Variants in CHD1 observed in about 807,000 individuals in gnomAD.
The protein encoded by CHD1 is chromodomain helicase DNA binding protein 1, also known as ATP-dependent chromatin remodeler CHD1.
Under a neutral mutation model 224.2 loss-of-function variants are expected in CHD1, and 36 were observed. That is an observed-to-expected ratio of 0.16 (90% CI 0.12 to 0.21). CHD1 has a LOEUF of 0.21. Ranked by LOEUF, CHD1 falls within the 10% of genes least tolerant of loss-of-function variation. The pLI, the probability that CHD1 is intolerant of heterozygous loss-of-function variation, is 1.00. For synonymous variants in CHD1, 668 were observed against 658.3 expected, an observed-to-expected ratio of 1.01 and a Z score of -0.23; for missense variants, 1,378 against 1,994.8, an observed-to-expected ratio of 0.69 and a Z score of 5.89.
At chr5:98,883,845 ATATATATATATATATATTTTT>A (rs1356035899) in intron 18 of CHD1, 5 of 36,240 alleles carry the variant, frequency 1.4e-4, no homozygotes, top group African/African-American at 2.2e-4. Context: ...ATATATATAT[ATATATATATATATATATTTTT>A]TTTTTTTTTT....
intron 22 of CHD1, 24 bp from the exon 23 acceptor site, chr5:98,879,752 A>G: frequency 6.6e-7 from 1 of 1,515,140 alleles, no homozygotes; most frequent in Non-Finnish European, 8.9e-7. Flanking sequence ...GAATTTTAAG[A>G]GTAACTGTTA....
intron 10 of CHD1, 113 bp from the exon 11 acceptor site, chr5:98,897,433 G>A (rs1751416280): frequency 2.8e-6 from 2 of 717,090 alleles, no homozygotes; most frequent in South Asian, 4.4e-5. Context: ...TAATCATCAA[G>A]CTCAGAGATT....
Position 98,873,673 on chromosome 5 carries a change from T to C in CHD1, c.3491A>G (p.Asp1164Gly), listed in dbSNP as rs774568255. The C allele has an allele frequency of 2.5e-6, 4 of 1,610,604 alleles. No individual in the cohort carries two copies. Among genetic ancestry groups the C allele is most frequent in the Non-Finnish European group, 2.5e-6 (3 of 1,178,620 alleles). Residue 1164 changes from aspartate (D) to glycine (G), a missense_variant, in exon 26 of 36, where the codon GAC becomes GGC. Asp to Gly is a moderately conservative substitution (Grantham distance 94). Transcript: ENST00000614616. ...TACCAATTCTCCCAGTCGTCTAAGGTCTGTTTCTGACTTATCAACTAACTC... is the reference window on the plus strand; with the variant it reads ...TACCAATTCTCCCAGTCGTCTAAGGCCTGTTTCTGACTTATCAACTAACTC... ...DAELVDKSETDLRRLGELVHN... is the reference protein window; with the variant it reads ...DAELVDKSETGLRRLGELVHN...
At chr5:98,881,440 TTTA>T in intron 20 of CHD1, 65 bp from the exon 21 acceptor site, 1 of 713,540 alleles carries the variant, frequency 1.4e-6, no homozygotes, top group Non-Finnish European at 2.3e-6. Context: ...ACACAGCACT[TTTA>T]TTAATTACTG....
chr5:98,896,182 G>A (rs757275367), intron 12 of CHD1, 44 bp downstream of exon 12: 19 of 1,496,386 alleles, frequency 1.3e-5, no homozygotes, highest in Non-Finnish European at 1.7e-5. Flanking sequence ...TGATCTCAAA[G>A]ACAAGTACAT....
Position 98,867,558 on chromosome 5 carries a change from ATG to A in CHD1, c.4248+935_4248+936del, listed in dbSNP as rs71226948. 4.9e-4 allele frequency among the ~76,000 whole-genome samples: 74 copies of A among 150,894 alleles called. No homozygotes were observed. In the South Asian group the frequency reaches 0.011, roughly 23 times the overall value. ...CCATAAATAAGAAGCACTATTACAC[ATG>A]TGTGTGTGTGTGTGTACATATTTAT... On this transcript the variant is annotated intron_variant, in intron 31 of 35. Coordinates refer to ENST00000614616, the MANE Select transcript of CHD1 (RefSeq NM_001270.4).
chr5:98,888,177 G>C lies in CHD1; in HGVS notation c.2407C>G (p.Arg803Gly). The C allele has an allele frequency of 6.2e-7, 1 of 1,610,588 alleles. No homozygotes were observed. Among genetic ancestry groups the C allele is most frequent in the Non-Finnish European group, 8.5e-7 (1 of 1,177,626 alleles). Residue 803 changes from arginine to glycine, a missense_variant, in exon 17 of 36, where the codon CGA (arginine) becomes GGA (glycine). By Grantham distance (125) the Arg-to-Gly change is moderately radical. Around this residue, in one of 16 missense-constraint regions of CHD1, gnomAD observed 57 missense variants for 177.2 expected, o/e 0.32. Transcript: ENST00000614616. ...LDKLLIRLRE[R>G]GNRVLIFSQM... The stretch of plus-strand genomic sequence containing the variant: ...GAAAAAATAAGAACTCGATTGCCTC[G>C]TTCTCTTAGGCGAATTAATAGCTTG...
At chr5:98,920,724 G>C (rs1366661665) in intron 2 of CHD1, among the ~76,000 whole-genome samples, 1 of 151,860 alleles carries the variant, frequency 6.6e-6, no homozygotes, top group Non-Finnish European at 1.5e-5. Context: ...TTGAACCCAG[G>C]AGGCGGAGGT....
At chr5:98,859,145 A>G in intron 33 of CHD1, 130 bp from the exon 34 acceptor site, 1 of 595,716 alleles carries the variant, frequency 1.7e-6, no homozygotes, top group Admixed American at 3.6e-5. Flanking sequence ...ATGTGTGTAT[A>G]TATACATGTA....
chr5:98,868,537 A>T lies in CHD1; in HGVS notation c.4206T>A (p.Ile1402=). 3.1e-6 allele frequency: 5 copies of T among 1,612,476 alleles called. No individual in the cohort carries two copies. The highest frequency in any genetic ancestry group is 4.2e-6 in the Non-Finnish European group (5 of 1,179,702). Reference sequence around the variant, plus strand: ...GATCCAGCTCTTCAGATTCTTCAGAAATGGGAACTGGTTCACCACTTGCCG... The same window carrying T: ...GATCCAGCTCTTCAGATTCTTCAGATATGGGAACTGGTTCACCACTTGCCG... ...HITASGEPVP[I]SEESEELDQK... The change falls in exon 31 of 36, where the codon ATT becomes ATA. Residue 1402 remains isoleucine, a synonymous_variant. Coordinates refer to ENST00000614616, the MANE Select transcript of CHD1 (RefSeq NM_001270.4).
chr5:98,859,252 TTGCA>T (rs1340414279), intron 33 of CHD1, among the ~76,000 whole-genome samples: 1 of 152,074 alleles, frequency 6.6e-6, no homozygotes, highest in Non-Finnish European at 1.5e-5. Flanking sequence ...AACAGAAAGG[TTGCA>T]AAAATACTGA....
intron 1 of CHD1, among the ~76,000 whole-genome samples, chr5:98,927,081 T>C (rs1753516311): frequency 6.6e-6 from 1 of 152,146 alleles, no homozygotes; most frequent in African/African-American, 2.4e-5. Context: ...TCAAAATAAA[T>C]GTGTTATTTA....
intron 2 of CHD1, among the ~76,000 whole-genome samples, chr5:98,925,138 T>A (rs778445476): frequency 2.6e-5 from 4 of 152,326 alleles, no homozygotes; most frequent in Admixed American, 6.5e-5. Flanking sequence ...ATGTTTTTTT[T>A]ATATAGTATC....
chr5:98,875,889 ACATATTCT>A (rs1291298114), intron 24 of CHD1, among the ~76,000 whole-genome samples: 3 of 152,198 alleles, frequency 2.0e-5, no homozygotes, highest in African/African-American at 7.2e-5. Context: ...GTATATATAA[ACATATTCT>A]GAATGGACAC....
chr5:98,911,587 T>C (rs1438350251), intron 2 of CHD1, among the ~76,000 whole-genome samples: 4 of 152,164 alleles, frequency 2.6e-5, no homozygotes, highest in Non-Finnish European at 1.5e-5. Context: ...CCGGACACCA[T>C]GTCCTGGTGA....
At chr5:98,909,440 G>C (rs1401017288) in intron 2 of CHD1, among the ~76,000 whole-genome samples, 1 of 152,096 alleles carries the variant, frequency 6.6e-6, no homozygotes, top group Non-Finnish European at 1.5e-5. Context: ...GTGAGATTTA[G>C]TATAAATCTG....
At chr5:98,860,534 G>C (rs1247282910) in intron 32 of CHD1, 2 of 200,722 alleles carry the variant, frequency 1.0e-5, no homozygotes, top group Non-Finnish European at 2.1e-5. Flanking sequence ...TAATGTAATG[G>C]TCCCAAGAGT....
intron 15 of CHD1, among the ~76,000 whole-genome samples, chr5:98,891,099 G>C (rs1750993372): frequency 1.3e-5 from 2 of 151,942 alleles, no homozygotes; most frequent in Non-Finnish European, 2.9e-5. Flanking sequence ...CTTAAGATGG[G>C]GTCTCACTCT....
intron 13 of CHD1, among the ~76,000 whole-genome samples, 172 bp from the exon 14 acceptor site, chr5:98,893,778 C>T (rs1298558509): frequency 6.6e-6 from 1 of 152,102 alleles, no homozygotes; most frequent in Non-Finnish European, 1.5e-5. Flanking sequence ...TAACTCAGCA[C>T]ATATTCCTTC....
Sources: gnomAD v4.1 joint callset for allele counts (sites outside exome capture counted in the v4.1 genomes callset) on GRCh38, gnomAD v4.1.1 for gene constraint, gnomAD v4.1.1 regional missense constraint, MANE v1.5 for transcripts, NCBI Gene and HGNC (gene_info 2026-07-23, HGNC 2026-07-21) for gene names.